SH2D4B: variants seen among roughly 807,000 people sequenced by gnomAD.
SH2D4B encodes the protein SH2 domain-containing protein 4B.
SH2D4B carries 45 observed loss-of-function variants against 61.5 expected under a neutral mutation model. The ratio of observed to expected loss-of-function variants is 0.73; its 90% CI spans 0.58 to 0.94. SH2D4B has a LOEUF of 0.94. SH2D4B is among the 40% of genes least tolerant of loss of function. The probability of loss-of-function intolerance (pLI) is 0.00; values close to 1 mark genes in which losing one functional copy is unlikely to be tolerated. For missense variants in SH2D4B, 572 were observed against 574.2 expected, an observed-to-expected ratio of 1.00 and a Z score of 0.04; for synonymous variants, 224 against 220.4, an observed-to-expected ratio of 1.02 and a Z score of -0.14.
chr10:80,586,822 G>A (rs114958515), intron 3 of SH2D4B, among the ~76,000 whole-genome samples: 4,983 of 152,252 alleles, frequency 0.033, 95 homozygotes, highest in Middle Eastern at 0.061. Flanking sequence ...TTTATGAGCT[G>A]TAACACTCAT....
At chr10:80,567,755 C>T (rs1186619269) in intron 1 of SH2D4B, among the ~76,000 whole-genome samples, 1 of 152,178 alleles carries the variant, frequency 6.6e-6, no homozygotes, top group Admixed American at 6.5e-5. Flanking sequence ...CTGGATGAGG[C>T]TTTTTGTCTG....
chr10:80,588,011 A>T (rs1054385066), intron 3 of SH2D4B, among the ~76,000 whole-genome samples: 1 of 152,158 alleles, frequency 6.6e-6, no homozygotes, highest in Admixed American at 6.5e-5. Context: ...CAGTTAAGTT[A>T]GGTGGCACGA....
intron 4 of SH2D4B, among the ~76,000 whole-genome samples, chr10:80,599,134 A>G (rs148701050): frequency 9.5e-4 from 145 of 152,216 alleles, no homozygotes; most frequent in African/African-American, 3.4e-3. Flanking sequence ...TCTTCTTAAA[A>G]AGGAGTGCGC....
At chr10:80,572,240 A>G (rs1175223303) in intron 3 of SH2D4B, among the ~76,000 whole-genome samples, 2 of 152,218 alleles carry the variant, frequency 1.3e-5, no homozygotes, top group East Asian at 3.9e-4. Flanking sequence ...TTCCTTGTTC[A>G]TAATATTCAG....
chr10:80,634,017 A>C (rs1842864364), intron 6 of SH2D4B, among the ~76,000 whole-genome samples: 1 of 152,220 alleles, frequency 6.6e-6, no homozygotes, highest in Non-Finnish European at 1.5e-5. Context: ...ACCCTGGCTC[A>C]ATGTGGAGGA....
intron 3 of SH2D4B, among the ~76,000 whole-genome samples, chr10:80,576,786 G>A (rs1842131058): frequency 6.6e-6 from 1 of 152,126 alleles, no homozygotes; most frequent in Admixed American, 6.6e-5. Context: ...TTTTTAATCC[G>A]AGATGGAGTC....
intron 3 of SH2D4B, among the ~76,000 whole-genome samples, chr10:80,586,115 G>T (rs561840724): frequency 1.3e-5 from 2 of 152,268 alleles, no homozygotes; most frequent in Non-Finnish European, 2.9e-5. Flanking sequence ...CTCCCCGTGG[G>T]GCAGGGCTCG....
At chr10:80,563,003 G>A (rs867806215) in intron 1 of SH2D4B, among the ~76,000 whole-genome samples, 1,630 of 139,906 alleles carry the variant, frequency 0.012, 30 homozygotes, top group African/African-American at 0.041. Flanking sequence ...CCGGGTTCAC[G>A]CCATTCTCCT....
Position 80,545,672 on chromosome 10 carries a change from C to T in SH2D4B, c.184+7157C>T, listed in dbSNP as rs73307115. 6.4e-3 allele frequency among the ~76,000 whole-genome samples: 976 copies of T among 152,224 alleles called. 10 individuals are homozygous for T. Among genetic ancestry groups the T allele is most frequent in the African/African-American group, 0.022 (928 of 41,522 alleles). On this transcript the variant is annotated intron_variant, in intron 1 of 7. Coordinates refer to ENST00000646907, the MANE Select transcript of SH2D4B (RefSeq NM_001388272.1). Reference sequence around the variant, plus strand: ...ATTGTTACAGTTTCTATCCCAGCATCGAGAACAAGGTCTGGGGCAGAGATG... The same window carrying T: ...ATTGTTACAGTTTCTATCCCAGCATTGAGAACAAGGTCTGGGGCAGAGATG...
At chr10:80,572,297 T>A (rs1488111130) in intron 3 of SH2D4B, among the ~76,000 whole-genome samples, 1 of 152,180 alleles carries the variant, frequency 6.6e-6, no homozygotes, top group Non-Finnish European at 1.5e-5. Context: ...TTCAAGGAGA[T>A]GATATAGTCA....
chr10:80,631,556 A>T (rs1412062332), intron 6 of SH2D4B, among the ~76,000 whole-genome samples: 2 of 152,174 alleles, frequency 1.3e-5, no homozygotes, highest in Admixed American at 6.5e-5. Flanking sequence ...GCCTAACCTA[A>T]ATGTCTATTA....
At chr10:80,605,515 T>C (rs975548943) in intron 5 of SH2D4B, among the ~76,000 whole-genome samples, 1 of 152,208 alleles carries the variant, frequency 6.6e-6, no homozygotes, top group Non-Finnish European at 1.5e-5. Context: ...TTTTCTTTTA[T>C]ATCTTCTTTT....
Position 80,609,474 on chromosome 10 carries a change from G to T in SH2D4B, c.911G>T (p.Arg304Leu), listed in dbSNP as rs778754816. Residue 304 changes from arginine to leucine, a missense_variant, in exon 6 of 8, where the codon CGC (arginine) becomes CTC (leucine). Arg to Leu is a moderately radical substitution (Grantham distance 102). Coordinates refer to ENST00000646907, the MANE Select transcript of SH2D4B (RefSeq NM_001388272.1). Reference sequence around the variant, plus strand: ...CCAGTCTCCAGAGATGTCATCGTCCGCTGGTTTAAGGAGGAGCAGCTGCCT... The same window carrying T: ...CCAGTCTCCAGAGATGTCATCGTCCTCTGGTTTAAGGAGGAGCAGCTGCCT... ...LRPVSRDVIV[R>L]WFKEEQLPRR... 2 of 1,614,160 alleles carry T rather than the reference G, an allele frequency of 1.2e-6. No individual in the cohort carries two copies. The highest frequency in any genetic ancestry group is 1.1e-5 in the South Asian group (1 of 91,084).
At chr10:80,640,222 T>G (rs2343584) in intron 7 of SH2D4B, among the ~76,000 whole-genome samples, 26,904 of 152,168 alleles carry the variant, frequency 0.18, 2,860 homozygotes, top group Admixed American at 0.29. Flanking sequence ...CCCTTAACAT[T>G]TTTTCCTTCA....
chr10:80,559,637 ATTTTT>A (rs773552620), intron 1 of SH2D4B, among the ~76,000 whole-genome samples: 1 of 129,950 alleles, frequency 7.7e-6, no homozygotes, highest in Non-Finnish European at 1.7e-5. Flanking sequence ...GTGGTCCTGC[ATTTTT>A]TTTTTTTTTT....
chr10:80,630,450 T>G lies in SH2D4B; in HGVS notation c.989-3835T>G, dbSNP rs1310845099. Among the ~76,000 whole-genome samples the G allele has an allele frequency of 2.0e-5, 3 of 152,122 alleles. No homozygotes were observed. The East Asian group carries it at 5.8e-4, about 29-fold the overall frequency. On this transcript the variant is annotated intron_variant, in intron 6 of 7. Transcript: ENST00000646907. ...AATCTACTGTGGGGTTTTGGCAGGA[T>G]GTTGTGAAAACCCAAATGTGGGATA...
rs1054916493 is a variant in SH2D4B at position 80,645,822 on chromosome 10, C to T, written c.*1737C>T. 2.2e-4 allele frequency: 34 copies of T among 152,170 alleles called. No individual in the cohort carries two copies. The highest frequency in any genetic ancestry group is 7.5e-4 in the African/African-American group (31 of 41,434). 9.4% of individuals were successfully genotyped at this position (152,170 alleles called of 1,614,324 possible). ...TCAATAATATCAATTTTGCAACTCACTCAGCTCCATGGCTTCCCCCGGTCT... is the reference window on the plus strand; with the variant it reads ...TCAATAATATCAATTTTGCAACTCATTCAGCTCCATGGCTTCCCCCGGTCT... On this transcript the variant is annotated 3_prime_UTR_variant, in exon 8 of 8. Coordinates refer to ENST00000646907, the MANE Select transcript of SH2D4B (RefSeq NM_001388272.1).
At chr10:80,637,268 C>T (rs953905325) in intron 7 of SH2D4B, among the ~76,000 whole-genome samples, 4 of 152,162 alleles carry the variant, frequency 2.6e-5, no homozygotes, top group Admixed American at 1.3e-4. Flanking sequence ...CTTGGCAATG[C>T]AGGCTCTTTT....
chr10:80,622,121 C>G (rs1842721560), intron 6 of SH2D4B, among the ~76,000 whole-genome samples: 1 of 152,098 alleles, frequency 6.6e-6, no homozygotes, highest in Admixed American at 6.5e-5. Flanking sequence ...AGTTCATCAG[C>G]CATCCCTCCC....
Sources: gnomAD v4.1 joint callset for allele counts (sites outside exome capture counted in the v4.1 genomes callset) on GRCh38, gnomAD v4.1.1 for gene constraint, MANE v1.5 for transcripts, NCBI Gene and HGNC (gene_info 2026-07-23, HGNC 2026-07-21) for gene names.